The following MAN1C1 variants were observed in gnomAD, a reference collection of about 807,000 sequenced individuals.
MAN1C1 encodes mannosidase alpha class 1C member 1, also known as mannosyl-oligosaccharide 1,2-alpha-mannosidase IC.
In MAN1C1, 49 loss-of-function variants were observed where a neutral mutation model predicts 71.5. The observed-to-expected ratio is 0.69, with a 90% CI of 0.54 to 0.87. The LOEUF is 0.87. MAN1C1 is among the 40% of genes least tolerant of loss of function. MAN1C1 has a pLI of 0.00. For synonymous variants in MAN1C1, 352 were observed against 343.7 expected, an observed-to-expected ratio of 1.02 and a Z score of -0.27; for missense variants, 743 against 835.0, an observed-to-expected ratio of 0.89 and a Z score of 1.36.
chr1:25,752,122 T>A (rs981779158), intron 4 of MAN1C1, among the ~76,000 whole-genome samples: 1 of 152,074 alleles, frequency 6.6e-6, no homozygotes, highest in Non-Finnish European at 1.5e-5. Context: ...CCAGTGCCCA[T>A]GGGAGTAACT....
At chr1:25,710,414 G>A (rs919065840) in intron 2 of MAN1C1, among the ~76,000 whole-genome samples, 16 of 152,344 alleles carry the variant, frequency 1.1e-4, no homozygotes, top group Middle Eastern at 3.4e-3. Flanking sequence ...GCTGACAAAT[G>A]GTAACAGGCA....
chr1:25,715,718 CAGA>C (rs1250383519), intron 2 of MAN1C1, among the ~76,000 whole-genome samples: 1 of 152,174 alleles, frequency 6.6e-6, no homozygotes, highest in African/African-American at 2.4e-5. Context: ...CAGTATAGAG[CAGA>C]AGAACGATGG....
chr1:25,781,008 G>A lies in MAN1C1; in HGVS notation c.1546G>A (p.Glu516Lys), dbSNP rs777179317. The change falls in exon 10 of 12, where the codon GAG becomes AAG. Residue 516 changes from glutamate to lysine, a missense_variant. Transcript: ENST00000374332. ...AGAGGCCGTGGCCACCCAGCTGAGC[G>A]AGAGCTACTACATCCTCCGGCCAGA... ...GREAVATQLS[E>K]SYYILRPEVV... 1.8e-5 allele frequency: 29 copies of A among 1,614,174 alleles called. No homozygotes were observed. Among genetic ancestry groups the A allele is most frequent in the South Asian group, 4.4e-5 (4 of 91,086 alleles).
rs548894517 is a variant in MAN1C1 at position 25,725,687 on chromosome 1, G to C, written c.638-20981G>C. On this transcript the variant is annotated intron_variant, in intron 2 of 11. Coordinates refer to ENST00000374332, the MANE Select transcript of MAN1C1 (RefSeq NM_020379.4). The surrounding 1 kb of genome is among the most constrained non-coding windows in gnomAD (Gnocchi z 4.8). ...CAACTTTTCAGTGCCTGGGGATCCTGCCTCGCCTCCCACTTTGCCCTCTAG... is the reference window on the plus strand; with the variant it reads ...CAACTTTTCAGTGCCTGGGGATCCTCCCTCGCCTCCCACTTTGCCCTCTAG... Among the ~76,000 whole-genome samples the C allele has an allele frequency of 1.1e-4, 16 of 152,318 alleles. No individual in the cohort carries two copies. The highest frequency in any genetic ancestry group is 1.8e-4 in the Non-Finnish European group (12 of 68,020).
intron 2 of MAN1C1, among the ~76,000 whole-genome samples, chr1:25,696,696 G>A (rs1177411302): frequency 6.6e-6 from 1 of 152,006 alleles, no homozygotes; most frequent in Non-Finnish European, 1.5e-5. Context: ...GTCCAGACTG[G>A]AGTGCAGTGG....
chr1:25,777,860 C>T (rs1275541812), intron 8 of MAN1C1, among the ~76,000 whole-genome samples: 21 of 152,112 alleles, frequency 1.4e-4, no homozygotes, highest in Admixed American at 1.3e-3. Flanking sequence ...ATTTTAAAGG[C>T]TGTGTAAGAG....
At chr1:25,747,080 C>T (rs181552609) in intron 3 of MAN1C1, among the ~76,000 whole-genome samples, 107 of 152,354 alleles carry the variant, frequency 7.0e-4, no homozygotes, top group Middle Eastern at 6.8e-3. Context: ...CACATTGCTT[C>T]CACCCTGGAC....
At chr1:25,621,177 C>T (rs974895479) in intron 1 of MAN1C1, among the ~76,000 whole-genome samples, 1 of 152,178 alleles carries the variant, frequency 6.6e-6, no homozygotes, top group Non-Finnish European at 1.5e-5. Context: ...GACTCCATAG[C>T]GGTTGGGCTT....
At chr1:25,772,905 T>TA (rs2047573744) in intron 8 of MAN1C1, among the ~76,000 whole-genome samples, 2 of 152,192 alleles carry the variant, frequency 1.3e-5, no homozygotes, top group South Asian at 4.1e-4. Context: ...CCTTTGCACT[T>TA]GCTGTCCCCT....
At chr1:25,732,639 A>G (rs1283619585) in intron 2 of MAN1C1, among the ~76,000 whole-genome samples, 2 of 152,138 alleles carry the variant, frequency 1.3e-5, no homozygotes, top group Non-Finnish European at 2.9e-5. Flanking sequence ...CCCACTGTGG[A>G]GGATGAGGAA....
Position 25,660,125 on chromosome 1 carries a change from A to G in MAN1C1, c.541-26315A>G, listed in dbSNP as rs554418740. On this transcript the variant is annotated intron_variant, in intron 1 of 11. Transcript: ENST00000374332. ...AAACTTAAGTGTTTATATATGGCCC[A>G]GTGTGGTGGTTCACGCCTGTAGTCC... Among the ~76,000 whole-genome samples the G allele has an allele frequency of 2.6e-5, 4 of 152,276 alleles. No individual in the cohort carries two copies. In the East Asian group the frequency reaches 7.7e-4, roughly 29 times the overall value.
At chr1:25,622,687 C>T (rs1308593001) in intron 1 of MAN1C1, among the ~76,000 whole-genome samples, 1 of 152,138 alleles carries the variant, frequency 6.6e-6, no homozygotes, top group East Asian at 1.9e-4. Flanking sequence ...GAGCAGGCAT[C>T]GGAGGGTGCC....
At position 25,617,336 on chromosome 1, in the gene MAN1C1, TGGGCGCCTACCAGCGCGGGC is replaced by T. The variant is rs1211839138; in HGVS notation, c.-458_-439del. ...GAAACTGCTTCTGAAGCTGAAACTT[TGGGCGCCTACCAGCGCGGGC>T]GGGAGCCTAGGGGGCGGAGGGCGGC... On this transcript the variant is annotated 5_prime_UTR_variant, in exon 1 of 12. Transcript: ENST00000374332. This position sits in a 1 kb window ranked among gnomAD's most constrained non-coding sequence, Gnocchi z 5.1. 6.6e-6 allele frequency: 1 copy of T among 151,510 alleles called. No individual in the cohort carries two copies. The highest frequency in any genetic ancestry group is 1.5e-5 in the Non-Finnish European group (1 of 67,880). The allele number at this position is 151,510 out of a possible 1,614,324, so 9.4% of individuals were successfully genotyped here. A position where few individuals can be genotyped will look rare whatever the true frequency, so the allele number is the denominator to read the frequency against.
rs562460313 is a variant in MAN1C1, at chr1:25,739,644, T to C, written c.638-7024T>C. Reference sequence around the variant, plus strand: ...GGCTGGTTCCTGGCTCAGCAGCTCCTGGGGAGGAGGTTCTGGGAGCTGGAG... The same window carrying C: ...GGCTGGTTCCTGGCTCAGCAGCTCCCGGGGAGGAGGTTCTGGGAGCTGGAG... On this transcript the variant is annotated intron_variant, in intron 2 of 11. Coordinates refer to ENST00000374332, the MANE Select transcript of MAN1C1 (RefSeq NM_020379.4). 1.9e-4 allele frequency among the ~76,000 whole-genome samples: 29 copies of C among 152,260 alleles called. 1 individual carries two copies. In the East Asian group the frequency reaches 5.6e-3, roughly 29 times the overall value.
At chr1:25,629,391 G>T (rs1019329489) in intron 1 of MAN1C1, among the ~76,000 whole-genome samples, 2 of 152,112 alleles carry the variant, frequency 1.3e-5, no homozygotes, top group Non-Finnish European at 2.9e-5. Context: ...TTGGCCATTT[G>T]TGTATCTTTT....
At chr1:25,726,573 C>A (rs1198531561) in intron 2 of MAN1C1, among the ~76,000 whole-genome samples, 2 of 152,050 alleles carry the variant, frequency 1.3e-5, no homozygotes, top group East Asian at 1.9e-4. Context: ...CCAGGTGGGC[C>A]CCATCTCACC....
Position 25,735,936 on chromosome 1 carries a change from A to G in MAN1C1, c.638-10732A>G, listed in dbSNP as rs142112893. On this transcript the variant is annotated intron_variant, in intron 2 of 11. Coordinates refer to ENST00000374332, the MANE Select transcript of MAN1C1 (RefSeq NM_020379.4). The surrounding 1 kb of genome is among the most constrained non-coding windows in gnomAD (Gnocchi z 4.6). ...TGAAGCCAAAGCAAGTTACATGGAA[A>G]AGCACAAGGTTAATGGGATAGGGAT... Among the ~76,000 whole-genome samples the G allele has an allele frequency of 5.0e-3, 769 of 152,352 alleles. 4 individuals are homozygous for G. Among genetic ancestry groups the G allele is most frequent in the Non-Finnish European group, 7.5e-3 (508 of 68,040 alleles).
chr1:25,782,875 T>C lies in MAN1C1; in HGVS notation c.1766+175T>C, dbSNP rs1274621534. On this transcript the variant is annotated intron_variant, in intron 11 of 11. Coordinates refer to ENST00000374332, the MANE Select transcript of MAN1C1 (RefSeq NM_020379.4). The surrounding 1 kb of genome is among the most constrained non-coding windows in gnomAD (Gnocchi z 4.4). ...GGTGTGAGCCTTGGGCCAGGCCGCT[T>C]TCTCGGAGAGTGAGACTGGGCTAGA... Among the ~76,000 whole-genome samples the C allele has an allele frequency of 1.3e-5, 2 of 152,206 alleles. No homozygotes were observed. The highest frequency in any genetic ancestry group is 2.9e-5 in the Non-Finnish European group (2 of 68,042).
chr1:25,768,643 CT>C, intron 7 of MAN1C1, among the ~76,000 whole-genome samples: 1 of 115,342 alleles, frequency 8.7e-6, no homozygotes, highest in Non-Finnish European at 1.8e-5. Context: ...CAATTACACA[CT>C]CCCCCACACA....
Sources: gnomAD v4.1 joint callset for allele counts (sites outside exome capture counted in the v4.1 genomes callset) on GRCh38, gnomAD v4.1.1 for gene constraint, Gnocchi (gnomAD v3.1) non-coding constraint, MANE v1.5 for transcripts, NCBI Gene and HGNC (gene_info 2026-07-23, HGNC 2026-07-21) for gene names.